Variants in SLC25A21 observed in about 807,000 individuals in gnomAD.
SLC25A21 encodes mitochondrial 2-oxodicarboxylate carrier.
Under a neutral mutation model 43.8 loss-of-function variants are expected in SLC25A21, and 47 were observed. The ratio of observed to expected loss-of-function variants is 1.07; its 90% CI spans 0.85 to 1.37. The LOEUF (loss-of-function observed/expected upper bound fraction) is 1.37. Ranked by LOEUF, SLC25A21 falls within the 40% of genes most tolerant of loss-of-function variation. The pLI, the probability that SLC25A21 is intolerant of heterozygous loss-of-function variation, is 0.00. For synonymous variants in SLC25A21, 131 were observed against 121.3 expected (o/e 1.08, Z -0.52); for missense variants, 352 against 350.2 (o/e 1.00, Z -0.04).
intron 2 of SLC25A21, among the ~76,000 whole-genome samples, chr14:36,869,253 T>C (rs2138545787): frequency 6.6e-6 from 1 of 152,304 alleles, no homozygotes; most frequent in East Asian, 1.9e-4. Flanking sequence ...TGACTTTGCA[T>C]AGTTTCAAAT....
At chr14:36,871,095 CT>C (rs1381790774) in intron 2 of SLC25A21, 1 of 152,386 alleles carries the variant, frequency 6.6e-6, no homozygotes, top group Non-Finnish European at 1.5e-5. Context: ...AGAGTGTCCC[CT>C]GGCTATGGTC....
chr14:37,016,675 C>T (rs529076335), intron 1 of SLC25A21, among the ~76,000 whole-genome samples: 2 of 152,218 alleles, frequency 1.3e-5, no homozygotes, highest in Admixed American at 1.3e-4. Flanking sequence ...TGACTTCTCT[C>T]TAGCTATGAA....
chr14:37,066,627 T>C (rs1430391458), intron 1 of SLC25A21, among the ~76,000 whole-genome samples: 1 of 152,148 alleles, frequency 6.6e-6, no homozygotes. Flanking sequence ...TTAAGGACCA[T>C]GATGTATGTA....
At chr14:37,163,103 G>A (rs1490743918) in intron 1 of SLC25A21, among the ~76,000 whole-genome samples, 1 of 149,020 alleles carries the variant, frequency 6.7e-6, no homozygotes, top group Non-Finnish European at 1.5e-5. Flanking sequence ...AGAACACATG[G>A]ACACAGGAAG....
At chr14:36,743,895 T>C (rs1361456094) in intron 3 of SLC25A21, among the ~76,000 whole-genome samples, 1 of 152,116 alleles carries the variant, frequency 6.6e-6, no homozygotes, top group Non-Finnish European at 1.5e-5. Context: ...ATCAACCTGA[T>C]AACCAAATCG....
intron 1 of SLC25A21, among the ~76,000 whole-genome samples, chr14:37,022,508 A>G (rs916497109): frequency 6.6e-6 from 1 of 151,960 alleles, no homozygotes; most frequent in African/African-American, 2.4e-5. Context: ...GTTATTATCA[A>G]TGTATGAGAT....
intron 1 of SLC25A21, among the ~76,000 whole-genome samples, chr14:37,023,395 C>T (rs910547056): frequency 1.3e-5 from 2 of 151,472 alleles, no homozygotes; most frequent in African/African-American, 2.4e-5. Context: ...GAAATTGGTG[C>T]TCCATTGCTA....
intron 1 of SLC25A21, among the ~76,000 whole-genome samples, chr14:36,997,642 A>G (rs1344060618): frequency 6.6e-6 from 1 of 152,122 alleles, no homozygotes; most frequent in Non-Finnish European, 1.5e-5. Context: ...CAGCCTGTTC[A>G]ACATGGTGAA....
chr14:36,854,339 C>T (rs1889834402), intron 2 of SLC25A21, among the ~76,000 whole-genome samples: 1 of 152,150 alleles, frequency 6.6e-6, no homozygotes, highest in Non-Finnish European at 1.5e-5. Flanking sequence ...TAGTTATAGT[C>T]GAGTTGGGCC....
chr14:37,093,243 C>T (rs953620176), intron 1 of SLC25A21, among the ~76,000 whole-genome samples: 5 of 152,186 alleles, frequency 3.3e-5, no homozygotes, highest in East Asian at 1.9e-4. Context: ...CAATCAAGAA[C>T]GATTTTTTAG....
At chr14:36,919,611 TTATCTATCTACCTATCTATCTATCTATC>T (rs1594692735) in intron 1 of SLC25A21, among the ~76,000 whole-genome samples, 3 of 125,822 alleles carry the variant, frequency 2.4e-5, no homozygotes, top group Non-Finnish European at 5.1e-5. Context: ...AAATTCAAGA[TTATCTATCTACCTATCTATCTATCTATC>T]TATCTATCTA....
At chr14:36,797,557 T>C (rs115092836) in intron 3 of SLC25A21, among the ~76,000 whole-genome samples, 11 of 152,348 alleles carry the variant, frequency 7.2e-5, no homozygotes, top group African/African-American at 2.6e-4. Flanking sequence ...AGATTTTGCT[T>C]TGCTCTTATC....
intron 1 of SLC25A21, among the ~76,000 whole-genome samples, chr14:36,942,450 T>G (rs1892585558): frequency 6.6e-6 from 1 of 152,182 alleles, no homozygotes; most frequent in African/African-American, 2.4e-5. Context: ...ACCTTGGCTC[T>G]CAGGCACGTT....
At chr14:37,037,890 C>A (rs1445518333) in intron 1 of SLC25A21, among the ~76,000 whole-genome samples, 1 of 152,190 alleles carries the variant, frequency 6.6e-6, no homozygotes, top group Non-Finnish European at 1.5e-5. Context: ...TGCACATTGA[C>A]AGGAGAAATC....
chr14:37,055,634 G>A (rs534451620), intron 1 of SLC25A21, among the ~76,000 whole-genome samples: 1 of 152,204 alleles, frequency 6.6e-6, no homozygotes, highest in South Asian at 2.1e-4. Flanking sequence ...GAGAGGGAAG[G>A]TGTAGCCTCT....
chr14:37,070,304 C>G (rs1161633829), intron 1 of SLC25A21, among the ~76,000 whole-genome samples: 1 of 152,138 alleles, frequency 6.6e-6, no homozygotes, highest in African/African-American at 2.4e-5. Flanking sequence ...ATCTGTTATC[C>G]ATGAGCTTAT....
At chr14:37,037,541 CTT>C (rs1366238174) in intron 1 of SLC25A21, among the ~76,000 whole-genome samples, 2 of 152,006 alleles carry the variant, frequency 1.3e-5, no homozygotes, top group African/African-American at 4.8e-5. Context: ...TTCTCTCTCT[CTT>C]TTTCATGCTA....
intron 1 of SLC25A21, among the ~76,000 whole-genome samples, chr14:37,121,840 A>G (rs1963214466): frequency 6.6e-6 from 1 of 152,108 alleles, no homozygotes; most frequent in Admixed American, 6.6e-5. Context: ...ATTAAATGCC[A>G]TGAGTGGGGA....
At chr14:36,995,793 C>G (rs1398386851) in intron 1 of SLC25A21, among the ~76,000 whole-genome samples, 1 of 152,108 alleles carries the variant, frequency 6.6e-6, no homozygotes. Flanking sequence ...ACGTTAAAAT[C>G]AGCTGGGGAG....
Sources: gnomAD v4.1 joint callset for allele counts (sites outside exome capture counted in the v4.1 genomes callset) on GRCh38, gnomAD v4.1.1 for gene constraint, MANE v1.5 for transcripts, NCBI Gene and HGNC (gene_info 2026-07-23, HGNC 2026-07-21) for gene names.